The following MACROD2 variants were observed in gnomAD, a reference collection of about 807,000 sequenced individuals.
MACROD2 encodes the protein ADP-ribose glycohydrolase MACROD2.
MACROD2 carries 36 observed loss-of-function variants against 70.4 expected under a neutral mutation model. The observed-to-expected ratio is 0.51, with a 90% CI of 0.39 to 0.68. The LOEUF (loss-of-function observed/expected upper bound fraction) is 0.68, where lower values mean the gene tolerates loss of function less well. MACROD2 is among the 30% of genes least tolerant of loss of function. The pLI is 0.00. For synonymous variants in MACROD2, 172 were observed against 178.8 expected (o/e 0.96, Z 0.30); for missense variants, 496 against 538.4 (o/e 0.92, Z 0.78).
At chr20:14,974,087 T>G (rs896902085) in intron 5 of MACROD2, among the ~76,000 whole-genome samples, 2 of 152,162 alleles carry the variant, frequency 1.3e-5, no homozygotes, top group South Asian at 4.1e-4. Context: ...AAATAACAGA[T>G]TGAACTAATG....
intron 5 of MACROD2, among the ~76,000 whole-genome samples, chr20:14,945,927 G>T (rs567039191): frequency 1.3e-5 from 2 of 152,252 alleles, no homozygotes; most frequent in Non-Finnish European, 2.9e-5. Context: ...TATAATGCAG[G>T]CTGTGTGAAG....
At chr20:15,441,430 A>G (rs1476263931) in intron 7 of MACROD2, among the ~76,000 whole-genome samples, 1 of 152,146 alleles carries the variant, frequency 6.6e-6, no homozygotes, top group Non-Finnish European at 1.5e-5. Flanking sequence ...AAAAGAGATG[A>G]AAATCCTGGA....
intron 3 of MACROD2, among the ~76,000 whole-genome samples, chr20:14,490,490 T>C (rs35406882): frequency 6.6e-6 from 1 of 152,206 alleles, no homozygotes; most frequent in African/African-American, 2.4e-5. Context: ...ACAATTACTG[T>C]AACTTGATTT....
At chr20:14,225,241 G>A (rs186509837) in intron 3 of MACROD2, among the ~76,000 whole-genome samples, 106 of 152,234 alleles carry the variant, frequency 7.0e-4, no homozygotes, top group African/African-American at 2.4e-3. Context: ...TAGTAGCTTG[G>A]AATATTACAG....
rs186750925 is a variant in MACROD2 at position 15,990,365 on chromosome 20, A to C, written c.1153+3207A>C. On this transcript the variant is annotated intron_variant, in intron 15 of 17. Coordinates refer to ENST00000684519, the MANE Select transcript of MACROD2 (RefSeq NM_001351661.2). ...CTTTCTTACATTTGTTATTTGGGCA[A>C]ATTTAGAAATATTTGACATAAAATC... Among the ~76,000 whole-genome samples, 5 of 152,308 alleles carry C rather than the reference A, an allele frequency of 3.3e-5. No individual in the cohort carries two copies. The East Asian group carries it at 9.6e-4, about 29-fold the overall frequency.
chr20:14,700,445 A>G (rs1163186901), intron 5 of MACROD2, among the ~76,000 whole-genome samples: 1 of 152,092 alleles, frequency 6.6e-6, no homozygotes, highest in East Asian at 1.9e-4. Context: ...ATGAAGCTGA[A>G]TATCAATCAC....
chr20:14,862,218 TATA>T (rs2073346699), intron 5 of MACROD2, among the ~76,000 whole-genome samples: 1 of 34,332 alleles, frequency 2.9e-5, no homozygotes, highest in Non-Finnish European at 5.1e-5. Flanking sequence ...TATATATATA[TATA>T]AATATATATA....
At chr20:14,485,806 A>C (rs2084722252) in intron 3 of MACROD2, among the ~76,000 whole-genome samples, 1 of 151,390 alleles carries the variant, frequency 6.6e-6, no homozygotes, top group African/African-American at 2.4e-5. Context: ...AACATGTTCA[A>C]ATGAGTATGT....
chr20:14,751,485 A>G (rs2071869779), intron 5 of MACROD2, among the ~76,000 whole-genome samples: 2 of 152,166 alleles, frequency 1.3e-5, no homozygotes, highest in South Asian at 2.1e-4. Flanking sequence ...TCCTTAATCT[A>G]GCAGACAGGT....
At chr20:14,270,646 A>G (rs1299109977) in intron 3 of MACROD2, among the ~76,000 whole-genome samples, 2 of 151,964 alleles carry the variant, frequency 1.3e-5, no homozygotes, top group Non-Finnish European at 2.9e-5. Context: ...TCTTTTTTCA[A>G]GACCAAATGT....
intron 6 of MACROD2, among the ~76,000 whole-genome samples, chr20:15,289,711 A>G (rs2077524533): frequency 6.6e-6 from 1 of 152,224 alleles, no homozygotes; most frequent in African/African-American, 2.4e-5. Flanking sequence ...TCAAATGTGT[A>G]CACTAAAAAG....
At chr20:14,524,714 AT>A (rs746383516) in intron 4 of MACROD2, among the ~76,000 whole-genome samples, 20 of 152,112 alleles carry the variant, frequency 1.3e-4, no homozygotes, top group Non-Finnish European at 2.6e-4. Flanking sequence ...GGGAGAGCAT[AT>A]TTAGAACACT....
chr20:14,789,874 G>A (rs1279840289), intron 5 of MACROD2, among the ~76,000 whole-genome samples: 1 of 151,858 alleles, frequency 6.6e-6, no homozygotes, highest in African/African-American at 2.4e-5. Context: ...TAAATACTAT[G>A]ATGAGAAATC....
rs989955742 is a variant in MACROD2 at position 14,863,913 on chromosome 20, T to C, written c.418+178954T>C. Among the ~76,000 whole-genome samples, 15 of 152,250 alleles carry C rather than the reference T, an allele frequency of 9.9e-5. 1 individual carries two copies. The highest frequency in any genetic ancestry group is 8.8e-5 in the Non-Finnish European group (6 of 68,006). ...TCACTTCTCCATTGTTAAACTTGAC[T>C]AGTGCATTGGCTTACAATGAAGTTT... On this transcript the variant is annotated intron_variant, in intron 5 of 17. Transcript: ENST00000684519.
At chr20:15,767,937 T>C (rs539293300) in intron 8 of MACROD2, among the ~76,000 whole-genome samples, 54 of 152,208 alleles carry the variant, frequency 3.5e-4, no homozygotes, top group African/African-American at 1.3e-3. Context: ...TTTCATCCTT[T>C]GAAATTGAAA....
intron 3 of MACROD2, among the ~76,000 whole-genome samples, chr20:14,456,055 G>T (rs1432421598): frequency 4.0e-5 from 6 of 151,694 alleles, no homozygotes; most frequent in Admixed American, 3.9e-4. Context: ...GAATTCTCTT[G>T]TTCCCCTAAG....
chr20:14,772,048 C>G (rs1458962102), intron 5 of MACROD2, among the ~76,000 whole-genome samples: 5 of 151,910 alleles, frequency 3.3e-5, no homozygotes, highest in Non-Finnish European at 7.4e-5. Context: ...TCTCATGGTG[C>G]ATGACATTTT....
rs374441663 is a variant in MACROD2, at chr20:14,065,957, A to T, written c.164-19664A>T. ...TGGACTGCCATCCACTAGTTCTGTG[A>T]CCTTGGGCAAGCAACATAACCTCTC... On this transcript the variant is annotated intron_variant, in intron 2 of 17. Transcript: ENST00000684519. Among the ~76,000 whole-genome samples the T allele has an allele frequency of 2.0e-5, 3 of 152,294 alleles. No homozygotes were observed. The South Asian group carries it at 6.2e-4, about 32-fold the overall frequency.
At position 14,493,572 on chromosome 20, in the gene MACROD2, T is replaced by C. The variant is rs139797496; in HGVS notation, c.301+64T>C. On this transcript the variant is annotated intron_variant, in intron 4 of 17. Coordinates refer to ENST00000684519, the MANE Select transcript of MACROD2 (RefSeq NM_001351661.2). ...ATTGTTATACCAACTACAAGATATT[T>C]AGTAAGTTCTGTGACACTTAAAAGA... 341 of 1,358,356 alleles carry C rather than the reference T, an allele frequency of 2.5e-4. No homozygotes were observed. The African/African-American group carries it at 4.4e-3, about 17-fold the overall frequency. The allele number at this position is 1,358,356 out of a possible 1,614,324, so 84.1% of individuals were successfully genotyped here.
Sources: gnomAD v4.1 joint callset for allele counts (sites outside exome capture counted in the v4.1 genomes callset) on GRCh38, gnomAD v4.1.1 for gene constraint, MANE v1.5 for transcripts, NCBI Gene and HGNC (gene_info 2026-07-23, HGNC 2026-07-21) for gene names.